The following CAPN13 variants were observed in gnomAD, a reference collection of about 807,000 sequenced individuals.
CAPN13 encodes calpain-13.
CAPN13 carries 90 observed loss-of-function variants against 98.4 expected under a neutral mutation model. The ratio of observed to expected loss-of-function variants is 0.92; its 90% CI spans 0.77 to 1.09. The LOEUF is 1.09. Among genes scored for constraint, CAPN13 ranks in the 50% least tolerant of loss-of-function variants. The probability of loss-of-function intolerance (pLI) is 0.00; values close to 1 mark genes in which losing one functional copy is unlikely to be tolerated. For synonymous variants in CAPN13, 330 were observed against 305.5 expected (o/e 1.08, Z -0.84); for missense variants, 887 against 841.3 (o/e 1.05, Z -0.67).
At chr2:30,741,772 G>T in intron 15 of CAPN13, 136 bp downstream of exon 15, 1 of 1,518,786 alleles carries the variant, frequency 6.6e-7, no homozygotes, top group South Asian at 1.3e-5. Flanking sequence ...AGACGATCCA[G>T]GAAGAGAGGC....
chr2:30,744,400 T>G (rs1671808023), intron 12 of CAPN13, among the ~76,000 whole-genome samples: 1 of 152,136 alleles, frequency 6.6e-6, no homozygotes, highest in East Asian at 1.9e-4. Context: ...CTGCTGACAT[T>G]AACAATAGCC....
intron 2 of CAPN13, among the ~76,000 whole-genome samples, chr2:30,781,638 G>C (rs1673987887): frequency 6.6e-6 from 1 of 152,074 alleles, no homozygotes; most frequent in Non-Finnish European, 1.5e-5. Flanking sequence ...CCTTGGACAG[G>C]GAATTACATC....
chr2:30,802,161 G>T lies in CAPN13; in HGVS notation c.-33+5141C>A, dbSNP rs534532586. On this transcript the variant is annotated intron_variant, in intron 1 of 22. Transcript: ENST00000295055. ...GCTGAGCCCTGGACTGGGAGCTCTG[G>T]TTGGGGGGTGGCGGGGGTTTGGAGA... Among the ~76,000 whole-genome samples, 3 of 152,258 alleles carry T rather than the reference G, an allele frequency of 2.0e-5. No homozygotes were observed. The South Asian group carries it at 6.2e-4, about 32-fold the overall frequency.
At chr2:30,764,630 A>G (rs959188026) in intron 5 of CAPN13, among the ~76,000 whole-genome samples, 1 of 151,934 alleles carries the variant, frequency 6.6e-6, no homozygotes, top group Non-Finnish European at 1.5e-5. Context: ...TGGCTGCTTG[A>G]CCTTGGGCAC....
chr2:30,736,543 T>G lies in CAPN13; in HGVS notation c.1682A>C (p.Glu561Ala), dbSNP rs756195307. Residue 561 changes from glutamate to alanine, a missense_variant, in exon 18 of 23, where the codon GAG becomes GCG. By Grantham distance (107) the Glu-to-Ala change is moderately radical. Coordinates refer to ENST00000295055, the MANE Select transcript of CAPN13 (RefSeq NM_144575.3). The part of the protein sequence containing the change: ...ELKVNGRLDQ[E>A]EFARLWKRLV... ...GCGCTTCCACAGTCGCGCAAACTCC[T>G]CTTGGTCTAGCCGCCCATTCACTTT... is the stretch of plus-strand genomic sequence containing the variant. The G allele has an allele frequency of 9.3e-6, 15 of 1,613,992 alleles. No homozygotes were observed. In the South Asian group the frequency reaches 1.6e-4, roughly 18 times the overall value.
rs577118129 is a variant in CAPN13, at chr2:30,734,370, C to G, written c.1798+79G>C. 479 of 1,106,864 alleles carry G rather than the reference C, an allele frequency of 4.3e-4. 3 individuals are homozygous for G. The African/African-American group carries it at 7.0e-3, about 16-fold the overall frequency. 68.6% of individuals were successfully genotyped at this position (1,106,864 alleles called of 1,614,324 possible). On this transcript the variant is annotated intron_variant, in intron 19 of 22. Transcript: ENST00000295055. ...CTCCTGATTGCCTGGCACTGTTGTG[C>G]CAGCCTTGCTACTAGGGGTGTGGGC... is the stretch of plus-strand genomic sequence containing the variant.
intron 5 of CAPN13, among the ~76,000 whole-genome samples, chr2:30,769,021 A>G (rs1263955499): frequency 6.6e-6 from 1 of 151,898 alleles, no homozygotes; most frequent in African/African-American, 2.4e-5. Context: ...CACGTCTCAC[A>G]CCCACTAAGG....
In CAPN13 at chr2:30,748,215, C is replaced by T. The variant is rs556568019; in HGVS notation, c.1237-2481G>A. 3.3e-5 allele frequency among the ~76,000 whole-genome samples: 5 copies of T among 152,278 alleles called. No individual in the cohort carries two copies. In the East Asian group the frequency reaches 5.8e-4, roughly 18 times the overall value. On this transcript the variant is annotated intron_variant, in intron 11 of 22. Transcript: ENST00000295055. ...CAGTCCTGGCTGGGCAGACCAGGGG[C>T]CTCAGTTCCTTCTCAGCCTTTCACA...
chr2:30,747,032 C>A (rs1259843051), intron 11 of CAPN13, among the ~76,000 whole-genome samples: 1 of 152,164 alleles, frequency 6.6e-6, no homozygotes, highest in Non-Finnish European at 1.5e-5. Context: ...TTCTATCAGG[C>A]CACTGTAAAT....
chr2:30,802,602 C>G (rs1467809803), intron 1 of CAPN13, among the ~76,000 whole-genome samples: 2 of 151,472 alleles, frequency 1.3e-5, no homozygotes, highest in Admixed American at 1.3e-4. Context: ...GTCATTCTTT[C>G]CCTCTCCAGC....
intron 1 of CAPN13, among the ~76,000 whole-genome samples, chr2:30,804,327 A>G (rs1054653772): frequency 2.0e-5 from 3 of 152,128 alleles, no homozygotes; most frequent in Non-Finnish European, 4.4e-5. Context: ...CAGCCTCCCA[A>G]GTAGCTGGGA....
intron 17 of CAPN13, 48 bp from the exon 18 acceptor site, chr2:30,736,619 G>A: frequency 1.3e-6 from 2 of 1,568,352 alleles, no homozygotes; most frequent in South Asian, 1.1e-5. Flanking sequence ...AGGTGCAGAG[G>A]GGCTGCCATC....
rs2148020021 is a variant in CAPN13, at chr2:30,763,086, T to A, written c.770A>T (p.Glu257Val). 1 of 1,608,126 alleles carries A rather than the reference T, an allele frequency of 6.2e-7. No individual in the cohort carries two copies. Among genetic ancestry groups the A allele is most frequent in the Middle Eastern group, 1.7e-4 (1 of 5,858 alleles). The change falls in exon 7 of 23, where the codon GAG becomes GTG. Residue 257 changes from glutamate to valine, a missense_variant. Glu to Val is a moderately radical substitution (Grantham distance 121). Coordinates refer to ENST00000295055, the MANE Select transcript of CAPN13 (RefSeq NM_144575.3). Reference sequence around the variant, plus strand: ...CAGGCCAGCAGCCAGCCTTACCTGCTCAGCCCCAGTCACAGTGTAGGCATG... The same window carrying A: ...CAGGCCAGCAGCCAGCCTTACCTGCACAGCCCCAGTCACAGTGTAGGCATG... ...SLHAYTVTGA[E>V]QIQYRRGWEE...
At position 30,732,508 on chromosome 2, in the gene CAPN13, G is replaced by A. The variant is rs1671155178; in HGVS notation, c.1857C>T (p.Tyr619=). Residue 619 remains tyrosine, a synonymous_variant, in exon 20 of 23, where the codon TAC becomes TAT. Coordinates refer to ENST00000295055, the MANE Select transcript of CAPN13 (RefSeq NM_144575.3). ...RELLHLVTLR[Y]SDSVGRVSFP... is the part of the protein sequence containing the mutation. ...AGCTGACCCTGCCGACGCTGTCGCT[G>A]TACCTGAGGGTCACCAGATGCAGCA... The A allele has an allele frequency of 1.9e-6, 3 of 1,612,168 alleles. No individual in the cohort carries two copies. The highest frequency in any genetic ancestry group is 1.1e-5 in the South Asian group (1 of 90,664).
intron 6 of CAPN13, among the ~76,000 whole-genome samples, chr2:30,763,906 G>A (rs1292431032): frequency 6.6e-6 from 1 of 152,294 alleles, no homozygotes; most frequent in East Asian, 1.9e-4. Flanking sequence ...AGCACCTTAG[G>A]TAGCCTCTCT....
rs183438224 is a variant in CAPN13 at position 30,771,120 on chromosome 2, G to A, written c.388-671C>T. Among the ~76,000 whole-genome samples the A allele has an allele frequency of 2.4e-4, 36 of 152,346 alleles. No homozygotes were observed. In the East Asian group the frequency reaches 5.2e-3, roughly 22 times the overall value. On this transcript the variant is annotated intron_variant, in intron 4 of 22. Transcript: ENST00000295055. The stretch of plus-strand genomic sequence containing the variant: ...TGCTAAGAGCGCAGATGAACCGGAT[G>A]TTCCTCTCCAAAACAGACTGTTTGA...
At chr2:30,784,601 A>G (rs1320195025) in intron 2 of CAPN13, among the ~76,000 whole-genome samples, 1 of 152,192 alleles carries the variant, frequency 6.6e-6, no homozygotes, top group Non-Finnish European at 1.5e-5. Flanking sequence ...TACTAGTGCA[A>G]AAAACATTAC....
chr2:30,747,748 C>T (rs368686410), intron 11 of CAPN13, among the ~76,000 whole-genome samples: 3 of 152,212 alleles, frequency 2.0e-5, no homozygotes, highest in Non-Finnish European at 2.9e-5. Flanking sequence ...CTGGCAGGTA[C>T]ATTGTTGTTT....
intron 1 of CAPN13, among the ~76,000 whole-genome samples, chr2:30,804,138 A>G (rs1675464067): frequency 1.3e-5 from 2 of 152,238 alleles, no homozygotes; most frequent in South Asian, 4.1e-4. Flanking sequence ...ACTGGAGTTC[A>G]GTATGGGAGG....
Sources: gnomAD v4.1 joint callset for allele counts (sites outside exome capture counted in the v4.1 genomes callset) on GRCh38, gnomAD v4.1.1 for gene constraint, MANE v1.5 for transcripts, NCBI Gene and HGNC (gene_info 2026-07-23, HGNC 2026-07-21) for gene names.